HUNK: variants seen among roughly 807,000 people sequenced by gnomAD.
HUNK encodes the protein hormonally up-regulated Neu-associated kinase.
HUNK carries 21 observed loss-of-function variants against 61.0 expected under a neutral mutation model. The observed-to-expected ratio is 0.34, with a 90% CI of 0.24 to 0.50. HUNK has a LOEUF of 0.50. Among genes scored for constraint, HUNK ranks in the 20% least tolerant of loss-of-function variants. HUNK has a pLI of 0.98. For synonymous variants in HUNK, 371 were observed against 386.1 expected, an observed-to-expected ratio of 0.96 and a Z score of 0.46; for missense variants, 772 against 945.7, an observed-to-expected ratio of 0.82 and a Z score of 2.41.
rs146277869 is a variant in HUNK, at chr21:31,924,602, G to A, written c.396G>A (p.Thr132=). ...CTCAGCTCCTTGATATTTTAGAAAC[G>A]GAAAACAGCTACTACCTGGTCATGG... ...NITQLLDILE[T]ENSYYLVMEL... Residue 132 remains threonine, a synonymous_variant, in exon 2 of 11, where the codon ACG becomes ACA. Transcript: ENST00000270112. This position sits in a 1 kb window ranked among gnomAD's most constrained non-coding sequence, Gnocchi z 5.1. 28 of 1,614,044 alleles carry A rather than the reference G, an allele frequency of 1.7e-5. No homozygotes were observed. In the African/African-American group the frequency reaches 2.4e-4, roughly 14 times the overall value.
chr21:31,926,213 C>T (rs1393392479), intron 2 of HUNK, among the ~76,000 whole-genome samples: 8 of 152,212 alleles, frequency 5.3e-5, no homozygotes, highest in African/African-American at 7.2e-5. Flanking sequence ...CCACCACGCC[C>T]GGCATAGAAA....
At chr21:31,948,854 A>G (rs1178285203) in intron 4 of HUNK, among the ~76,000 whole-genome samples, 1 of 152,180 alleles carries the variant, frequency 6.6e-6, no homozygotes, top group Non-Finnish European at 1.5e-5. Flanking sequence ...GAAACAGACC[A>G]GAATGAGATG....
At position 31,972,756 on chromosome 21, in the gene HUNK, G is replaced by A. The variant is rs76177676; in HGVS notation, c.1011-1799G>A. Among the ~76,000 whole-genome samples, 129 of 152,310 alleles carry A rather than the reference G, an allele frequency of 8.5e-4. 1 individual carries two copies. Among genetic ancestry groups the A allele is most frequent in the African/African-American group, 3.1e-3 (127 of 41,570 alleles). ...TGTTATCTGGAATGTGTAATTTTGTGACAAACAGGAATGAGGAAGGCTGAT... is the reference window on the plus strand; with the variant it reads ...TGTTATCTGGAATGTGTAATTTTGTAACAAACAGGAATGAGGAAGGCTGAT... On this transcript the variant is annotated intron_variant, in intron 6 of 10. Coordinates refer to ENST00000270112, the MANE Select transcript of HUNK (RefSeq NM_014586.2).
chr21:31,873,027 A>G lies in HUNK; in HGVS notation c.-648A>G, dbSNP rs1187839191. On this transcript the variant is annotated 5_prime_UTR_variant, in exon 1 of 11. Coordinates refer to ENST00000270112, the MANE Select transcript of HUNK (RefSeq NM_014586.2). This position sits in a 1 kb window ranked among gnomAD's most constrained non-coding sequence, Gnocchi z 6.1. ...CGCGGGGAAGGAGGGGCTACTAGGG[A>G]TTTGAAAGTGCACGGGCTGCGGAGT... is the stretch of plus-strand genomic sequence containing the variant. Among the ~76,000 whole-genome samples, 4 of 152,044 alleles carry G rather than the reference A, an allele frequency of 2.6e-5. No homozygotes were observed. The highest frequency in any genetic ancestry group is 4.8e-5 in the African/African-American group (2 of 41,420).
chr21:31,915,528 G>A (rs2833559), intron 1 of HUNK, among the ~76,000 whole-genome samples: 14,013 of 152,170 alleles, frequency 0.092, 799 homozygotes, highest in Middle Eastern at 0.15. Context: ...GTATATTTCT[G>A]CGATATTAAA....
chr21:31,911,166 G>A (rs952055082), intron 1 of HUNK, among the ~76,000 whole-genome samples: 1 of 152,180 alleles, frequency 6.6e-6, no homozygotes, highest in Non-Finnish European at 1.5e-5. Flanking sequence ...CTCATTGAGC[G>A]CCGCCTGTGT....
chr21:31,985,654 C>T (rs1018453695), intron 8 of HUNK, among the ~76,000 whole-genome samples: 4 of 152,216 alleles, frequency 2.6e-5, no homozygotes, highest in African/African-American at 7.2e-5. Flanking sequence ...GGCAGTGATG[C>T]TGCAGTGGGG....
In HUNK at chr21:31,946,139, G is replaced by A. The variant is rs763312357; in HGVS notation, c.714G>A (p.Lys238=). ...CTGCACCTGAACTGCTCGCCAGGAA[G>A]AAATACGGCCCCAAAATCGATGTCT... is the stretch of plus-strand genomic sequence containing the variant. ...AYAAPELLAR[K]KYGPKIDVWS... Residue 238 remains lysine, a synonymous_variant, in exon 4 of 11, where the codon AAG becomes AAA. Coordinates refer to ENST00000270112, the MANE Select transcript of HUNK (RefSeq NM_014586.2). 2 of 1,613,126 alleles carry A rather than the reference G, an allele frequency of 1.2e-6. No homozygotes were observed. The highest frequency in any genetic ancestry group is 3.3e-5 in the Admixed American group (2 of 60,006).
At chr21:31,935,746 T>A (rs959213161) in intron 2 of HUNK, among the ~76,000 whole-genome samples, 4 of 152,188 alleles carry the variant, frequency 2.6e-5, no homozygotes, top group African/African-American at 9.7e-5. Context: ...ATCACACCAT[T>A]TTTGGCTCAT....
chr21:31,875,470 G>A (rs1400563892), intron 1 of HUNK, among the ~76,000 whole-genome samples: 1 of 152,106 alleles, frequency 6.6e-6, no homozygotes, highest in Admixed American at 6.5e-5. Context: ...AAAAAGGAGC[G>A]TTCAGTATGA....
chr21:31,928,878 T>C (rs187785259), intron 2 of HUNK, among the ~76,000 whole-genome samples: 20 of 152,324 alleles, frequency 1.3e-4, no homozygotes, highest in Non-Finnish European at 2.4e-4. Flanking sequence ...ATAAATTATT[T>C]TGAGGTTAGA....
chr21:31,887,443 C>T (rs2052354635), intron 1 of HUNK, among the ~76,000 whole-genome samples: 1 of 152,176 alleles, frequency 6.6e-6, no homozygotes, highest in Non-Finnish European at 1.5e-5. Flanking sequence ...AAACATTTTG[C>T]AATCCTGCTT....
chr21:31,942,588 C>G (rs1341295332), intron 3 of HUNK, among the ~76,000 whole-genome samples: 2 of 152,102 alleles, frequency 1.3e-5, no homozygotes, highest in Non-Finnish European at 2.9e-5. Flanking sequence ...CAGAGCCCAC[C>G]CCTTCCCCTC....
chr21:31,968,100 G>C (rs754582450), intron 5 of HUNK, 150 bp from the exon 6 acceptor site: 2 of 900,862 alleles, frequency 2.2e-6, no homozygotes, highest in South Asian at 3.4e-5. Context: ...TCATTGAATC[G>C]GAACCCTGCC....
chr21:31,873,081 G>A lies in HUNK; in HGVS notation c.-594G>A, dbSNP rs945244892. On this transcript the variant is annotated 5_prime_UTR_variant, in exon 1 of 11. Coordinates refer to ENST00000270112, the MANE Select transcript of HUNK (RefSeq NM_014586.2). This position sits in a 1 kb window ranked among gnomAD's most constrained non-coding sequence, Gnocchi z 6.1. ...GCTCGCATCTGTTCCCGCCGCCCGCGAGCGGATTAAATTTCTGCAAATTCA... is the reference window on the plus strand; with the variant it reads ...GCTCGCATCTGTTCCCGCCGCCCGCAAGCGGATTAAATTTCTGCAAATTCA... 3.3e-5 allele frequency among the ~76,000 whole-genome samples: 5 copies of A among 152,170 alleles called. No homozygotes were observed. Among genetic ancestry groups the A allele is most frequent in the African/African-American group, 7.2e-5 (3 of 41,452 alleles).
intron 9 of HUNK, among the ~76,000 whole-genome samples, chr21:31,992,702 T>C (rs1276858334): frequency 6.6e-6 from 1 of 152,242 alleles, no homozygotes; most frequent in Non-Finnish European, 1.5e-5. Context: ...TCTGAAGATC[T>C]GTTTCTGTTA....
intron 1 of HUNK, among the ~76,000 whole-genome samples, chr21:31,883,444 C>G (rs1028504913): frequency 6.6e-6 from 1 of 152,094 alleles, no homozygotes; most frequent in African/African-American, 2.4e-5. Flanking sequence ...TTGTTCATGT[C>G]CATTCGCCAA....
chr21:31,939,675 T>TG (rs2052756401), intron 2 of HUNK, among the ~76,000 whole-genome samples: 1 of 151,830 alleles, frequency 6.6e-6, no homozygotes, highest in South Asian at 2.1e-4. Flanking sequence ...CCCAAAGTGC[T>TG]GGGATTATAG....
chr21:31,999,293 C>T lies in HUNK; in HGVS notation c.*109C>T. ...AGGCCTCGCGTGGAGCATCCTTAGT[C>T]CCACCTGTAGCTGAATCCACAGACC... is the stretch of plus-strand genomic sequence containing the variant. On this transcript the variant is annotated 3_prime_UTR_variant, in exon 11 of 11. Transcript: ENST00000270112. 1 of 993,188 alleles carries T rather than the reference C, an allele frequency of 1.0e-6. No individual in the cohort carries two copies. Among genetic ancestry groups the T allele is most frequent in the Non-Finnish European group, 1.5e-6 (1 of 667,874 alleles). The allele number at this position is 993,188 out of a possible 1,614,324, so 61.5% of individuals were successfully genotyped here.
Sources: gnomAD v4.1 joint callset for allele counts (sites outside exome capture counted in the v4.1 genomes callset) on GRCh38, gnomAD v4.1.1 for gene constraint, Gnocchi (gnomAD v3.1) non-coding constraint, MANE v1.5 for transcripts, NCBI Gene and HGNC (gene_info 2026-07-23, HGNC 2026-07-21) for gene names.